The following RAI14 variants were observed in gnomAD, a reference collection of about 807,000 sequenced individuals.
RAI14 encodes the protein retinoic acid induced 14, also known as ankycorbin.
In RAI14, 45 loss-of-function variants were observed where a neutral mutation model predicts 115.4. The ratio of observed to expected loss-of-function variants is 0.39; its 90% CI spans 0.31 to 0.50. RAI14 has a LOEUF of 0.50. RAI14 is among the 20% of genes least tolerant of loss of function. The pLI is 0.85. For synonymous variants in RAI14, 371 were observed against 415.4 expected (o/e 0.89, Z 1.30); for missense variants, 939 against 1,131.2 (o/e 0.83, Z 2.44).
At chr5:34,751,205 G>C (rs1451247434) in intron 2 of RAI14, among the ~76,000 whole-genome samples, 1 of 147,908 alleles carries the variant, frequency 6.8e-6, no homozygotes, top group East Asian at 2.0e-4. Flanking sequence ...TGTCGCCCAG[G>C]CTGGAGTGCT....
chr5:34,707,471 A>G (rs370889047), intron 2 of RAI14, among the ~76,000 whole-genome samples: 1 of 152,242 alleles, frequency 6.6e-6, no homozygotes. Context: ...CGTCTCAAAA[A>G]AAATGCTCTC....
At chr5:34,772,167 C>A (rs996203015) in intron 3 of RAI14, among the ~76,000 whole-genome samples, 42 of 152,310 alleles carry the variant, frequency 2.8e-4, no homozygotes, top group East Asian at 5.8e-4. Context: ...CTTGCCTCAG[C>A]CTCCCAAAGT....
At chr5:34,721,271 A>G (rs1410105949) in intron 2 of RAI14, among the ~76,000 whole-genome samples, 2 of 137,174 alleles carry the variant, frequency 1.5e-5, no homozygotes, top group African/African-American at 2.8e-5. Context: ...ATGTGTGTGT[A>G]TGTATGTAGA....
At chr5:34,673,005 A>AG (rs1561226491) in intron 1 of RAI14, among the ~76,000 whole-genome samples, 7 of 152,044 alleles carry the variant, frequency 4.6e-5, no homozygotes, top group African/African-American at 1.7e-4. Flanking sequence ...GTCCCAGGAG[A>AG]GCAGAGAAGA....
At chr5:34,734,817 C>T (rs548969963) in intron 2 of RAI14, among the ~76,000 whole-genome samples, 5 of 152,186 alleles carry the variant, frequency 3.3e-5, no homozygotes, top group South Asian at 2.1e-4. Context: ...CATACCACCA[C>T]GCCAAGCTAA....
intron 5 of RAI14, among the ~76,000 whole-genome samples, chr5:34,806,480 C>T (rs1396176442): frequency 6.6e-6 from 1 of 152,166 alleles, no homozygotes; most frequent in East Asian, 1.9e-4. Flanking sequence ...CTTAGCTGTT[C>T]AGGTGAGAAG....
chr5:34,801,170 T>A (rs1363422043), intron 4 of RAI14, among the ~76,000 whole-genome samples: 2 of 152,190 alleles, frequency 1.3e-5, no homozygotes, highest in Non-Finnish European at 2.9e-5. Flanking sequence ...TCCTTCATTT[T>A]TAAATTTTGT....
intron 2 of RAI14, among the ~76,000 whole-genome samples, chr5:34,734,992 A>G (rs1230809798): frequency 6.6e-6 from 1 of 152,120 alleles, no homozygotes; most frequent in Non-Finnish European, 1.5e-5. Flanking sequence ...ACTATACTAC[A>G]CAGACATGAA....
At chr5:34,780,412 A>G (rs562232855) in intron 3 of RAI14, among the ~76,000 whole-genome samples, 1 of 152,250 alleles carries the variant, frequency 6.6e-6, no homozygotes, top group Non-Finnish European at 1.5e-5. Flanking sequence ...CAGCAAAAGA[A>G]ACTACCATCA....
intron 3 of RAI14, among the ~76,000 whole-genome samples, chr5:34,758,477 C>T (rs1158070631): frequency 6.6e-6 from 1 of 152,056 alleles, no homozygotes; most frequent in African/African-American, 2.4e-5. Context: ...TTTCTATAGC[C>T]GGTGATCCCA....
intron 2 of RAI14, among the ~76,000 whole-genome samples, chr5:34,716,442 C>T (rs1382436785): frequency 6.6e-6 from 1 of 151,492 alleles, no homozygotes; most frequent in African/African-American, 2.4e-5. Context: ...GACAGAGTCT[C>T]GCTTTTGTTG....
At chr5:34,671,937 C>T (rs1579867239) in intron 1 of RAI14, among the ~76,000 whole-genome samples, 1 of 151,964 alleles carries the variant, frequency 6.6e-6, no homozygotes, top group Admixed American at 6.6e-5. Context: ...CCTGTAACCC[C>T]GCTCCACCTG....
At chr5:34,783,809 G>A (rs902837384) in intron 3 of RAI14, among the ~76,000 whole-genome samples, 1 of 152,224 alleles carries the variant, frequency 6.6e-6, no homozygotes, top group Non-Finnish European at 1.5e-5. Flanking sequence ...TGTAGCTAGA[G>A]CTTGGCTAGT....
intron 3 of RAI14, among the ~76,000 whole-genome samples, chr5:34,794,341 T>C (rs1252748709): frequency 6.6e-6 from 1 of 152,176 alleles, no homozygotes; most frequent in Non-Finnish European, 1.5e-5. Flanking sequence ...GAGAATCACT[T>C]GAACCTGAGA....
At position 34,816,789 on chromosome 5, in the gene RAI14, CT is replaced by C. The variant is rs552205610; in HGVS notation, c.940-2006del. Among the ~76,000 whole-genome samples, 353 of 152,112 alleles carry C rather than the reference CT, an allele frequency of 2.3e-3. 1 individual carries two copies. The highest frequency in any genetic ancestry group is 8.3e-3 in the African/African-American group (344 of 41,506). On this transcript the variant is annotated intron_variant, in intron 12 of 17. Coordinates refer to ENST00000265109, the MANE Select transcript of RAI14 (RefSeq NM_015577.3). ...CTATGTAAGACAAGGCAACTATACT[CT>C]TATAGTTAGTACGATAATATCTTCT... is the stretch of plus-strand genomic sequence containing the variant.
chr5:34,821,672 C>A, intron 13 of RAI14, 60 bp from the exon 14 acceptor site: 2 of 1,009,212 alleles, frequency 2.0e-6, no homozygotes, highest in South Asian at 2.7e-5. Flanking sequence ...GAATTTGTCT[C>A]AGGTTAGAGA....
chr5:34,691,945 G>A (rs1363426698), intron 2 of RAI14, among the ~76,000 whole-genome samples: 2 of 152,160 alleles, frequency 1.3e-5, no homozygotes, highest in Non-Finnish European at 2.9e-5. Flanking sequence ...CTCAGACAGA[G>A]GTTTGAGTTT....
intron 2 of RAI14, among the ~76,000 whole-genome samples, chr5:34,722,576 T>C (rs1742903023): frequency 6.6e-6 from 1 of 152,216 alleles, no homozygotes; most frequent in African/African-American, 2.4e-5. Flanking sequence ...CCAGGCGTGA[T>C]GGCTCATGCC....
rs143558521 is a variant in RAI14, at chr5:34,687,766, C to T, written c.36+811C>T. 149 of 1,537,922 alleles carry T rather than the reference C, an allele frequency of 9.7e-5. 1 individual carries two copies. The East Asian group carries it at 3.2e-3, about 33-fold the overall frequency. On this transcript the variant is annotated intron_variant, in intron 2 of 17. Coordinates refer to ENST00000265109, the MANE Select transcript of RAI14 (RefSeq NM_015577.3). The stretch of plus-strand genomic sequence containing the variant: ...GGGCTTGTTCAGCTATCATTTCAGG[C>T]GAGGTAATTAAAGATGAACCTGGAT...
Sources: gnomAD v4.1 joint callset for allele counts (sites outside exome capture counted in the v4.1 genomes callset) on GRCh38, gnomAD v4.1.1 for gene constraint, MANE v1.5 for transcripts, NCBI Gene and HGNC (gene_info 2026-07-23, HGNC 2026-07-21) for gene names.